Variants in BCL11A observed in about 807,000 individuals in gnomAD.
BCL11A encodes the protein B cell CLL/lymphoma 11A.
BCL11A carries 2 observed loss-of-function variants against 55.9 expected under a neutral mutation model. The ratio of observed to expected loss-of-function variants is 0.04; its 90% CI spans 0.01 to 0.11. The LOEUF (loss-of-function observed/expected upper bound fraction) is 0.11, where lower values mean the gene tolerates loss of function less well. Among genes scored for constraint, BCL11A ranks in the 10% least tolerant of loss-of-function variants. The probability of loss-of-function intolerance (pLI) is 1.00; values close to 1 mark genes in which losing one functional copy is unlikely to be tolerated. For synonymous variants in BCL11A, 465 were observed against 473.4 expected, an observed-to-expected ratio of 0.98 and a Z score of 0.23; for missense variants, 817 against 1,137.1, an observed-to-expected ratio of 0.72 and a Z score of 4.05.
intron 2 of BCL11A, among the ~76,000 whole-genome samples, chr2:60,494,870 AG>A: frequency 6.6e-6 from 1 of 152,300 alleles, no homozygotes; most frequent in South Asian, 2.1e-4. Flanking sequence ...TCAGAAGAAA[AG>A]GGAAAAGGGA....
intron 2 of BCL11A, among the ~76,000 whole-genome samples, chr2:60,480,915 A>C (rs1394907879): frequency 6.6e-6 from 1 of 152,194 alleles, no homozygotes; most frequent in East Asian, 1.9e-4. Flanking sequence ...CGCTTGAATA[A>C]TCCTATTTTT....
chr2:60,488,337 G>C (rs777811322), intron 2 of BCL11A, among the ~76,000 whole-genome samples: 1 of 152,160 alleles, frequency 6.6e-6, no homozygotes, highest in Non-Finnish European at 1.5e-5. Context: ...TGTCCTCCCT[G>C]GTTCCTCTCC....
At position 60,518,537 on chromosome 2, in the gene BCL11A, G is replaced by A. The variant is rs568547663; in HGVS notation, c.385+27434C>T. Among the ~76,000 whole-genome samples, 8 of 152,292 alleles carry A rather than the reference G, an allele frequency of 5.3e-5. No individual in the cohort carries two copies. In the South Asian group the frequency reaches 1.5e-3, roughly 28 times the overall value. ...TAAAAATGGCACATGGGAGGGCATC[G>A]CACATGTGAATTTTAGCTTCCCACA... On this transcript the variant is annotated intron_variant, in intron 2 of 3. Transcript: ENST00000642384.
chr2:60,466,798 CA>C (rs1433694822), intron 3 of BCL11A, among the ~76,000 whole-genome samples: 1 of 151,906 alleles, frequency 6.6e-6, no homozygotes, highest in African/African-American at 2.4e-5. Flanking sequence ...CTTTCCACAG[CA>C]GGTTATTTTT....
At position 60,493,842 on chromosome 2, in the gene BCL11A, C is replaced by T. The variant is rs530977514; in HGVS notation, c.386-25009G>A. The stretch of plus-strand genomic sequence containing the variant: ...GTGCAGGAAATTAAGATTCCCCCTG[C>T]CTCCCCCTCCCCCATCCTCATCAGC... On this transcript the variant is annotated intron_variant, in intron 2 of 3. Coordinates refer to ENST00000642384, the MANE Select transcript of BCL11A (RefSeq NM_022893.4). Among the ~76,000 whole-genome samples, 13 of 152,222 alleles carry T rather than the reference C, an allele frequency of 8.5e-5. No homozygotes were observed. The South Asian group carries it at 2.7e-3, about 32-fold the overall frequency.
At chr2:60,491,689 G>GAAA (rs759978839) in intron 2 of BCL11A, among the ~76,000 whole-genome samples, 1 of 134,758 alleles carries the variant, frequency 7.4e-6, no homozygotes, top group Non-Finnish European at 1.6e-5. Flanking sequence ...AAAGAAAAAA[G>GAAA]AAAAAAAAAA....
chr2:60,490,343 T>C lies in BCL11A; in HGVS notation c.386-21510A>G, dbSNP rs190989361. On this transcript the variant is annotated intron_variant, in intron 2 of 3. Transcript: ENST00000642384. ...TATTTCAGCAGCCCTCTGTGATCTA[T>C]AGGATATGGTCCAACTCCTTAAGCC... Among the ~76,000 whole-genome samples the C allele has an allele frequency of 6.6e-5, 10 of 152,322 alleles. 1 individual carries two copies. The highest frequency in any genetic ancestry group is 2.2e-4 in the African/African-American group (9 of 41,570).
chr2:60,510,295 C>T (rs903551152), intron 2 of BCL11A, among the ~76,000 whole-genome samples: 1 of 152,160 alleles, frequency 6.6e-6, no homozygotes. Context: ...CCTCCTCCTG[C>T]ACTCTTTCCA....
intron 2 of BCL11A, among the ~76,000 whole-genome samples, chr2:60,490,062 G>T (rs1446897157): frequency 1.3e-5 from 2 of 152,132 alleles, no homozygotes; most frequent in East Asian, 3.8e-4. Context: ...AAAGGCAAAA[G>T]GAAAGCTTTC....
intron 2 of BCL11A, among the ~76,000 whole-genome samples, chr2:60,490,974 T>C (rs1678595388): frequency 6.6e-6 from 1 of 150,532 alleles, no homozygotes; most frequent in South Asian, 2.1e-4. Context: ...TAACATGTTA[T>C]GCTACACAAA....
At position 60,460,573 on chromosome 2, in the gene BCL11A, G is replaced by A; in HGVS notation, c.2339C>T (p.Ala780Val). The change falls in exon 4 of 4, where the codon GCC (alanine) becomes GTC (valine). Residue 780 changes from alanine to valine, a missense_variant. Physicochemically the swap from Ala to Val is moderately conservative, Grantham distance 64 (BLOSUM62 0). Around this residue, in one of 4 missense-constraint regions of BCL11A, gnomAD observed 30 missense variants for 116.3 expected, o/e 0.26. Coordinates refer to ENST00000642384, the MANE Select transcript of BCL11A (RefSeq NM_022893.4). ...YKCELCNYAC[A>V]QSSKLTRHMK... Reference sequence around the variant, plus strand: ...GTGCCTGGTGAGCTTGCTACTCTGGGCACAGGCATAGTTGCACAGCTCGCA... The same window carrying A: ...GTGCCTGGTGAGCTTGCTACTCTGGACACAGGCATAGTTGCACAGCTCGCA... 6.2e-7 allele frequency: 1 copy of A among 1,614,102 alleles called. No individual in the cohort carries two copies. The highest frequency in any genetic ancestry group is 8.5e-7 in the Non-Finnish European group (1 of 1,180,018).
intron 2 of BCL11A, among the ~76,000 whole-genome samples, chr2:60,476,298 T>G (rs538269115): frequency 6.6e-6 from 1 of 152,196 alleles, no homozygotes; most frequent in Admixed American, 6.5e-5. Flanking sequence ...GAAACCTAGG[T>G]GTGTCCTGAG....
chr2:60,482,040 G>T (rs899249077), intron 2 of BCL11A, among the ~76,000 whole-genome samples: 1 of 152,130 alleles, frequency 6.6e-6, no homozygotes, highest in Admixed American at 6.5e-5. Flanking sequence ...TGTCATTTTT[G>T]GACCTAACAT....
At chr2:60,491,502 G>A (rs906811429) in intron 2 of BCL11A, among the ~76,000 whole-genome samples, 5 of 151,762 alleles carry the variant, frequency 3.3e-5, no homozygotes, top group African/African-American at 1.2e-4. Context: ...GTGAAACCCC[G>A]TCTCTACTAA....
chr2:60,462,558 C>A, intron 3 of BCL11A, 134 bp from the exon 4 acceptor site: 6 of 1,417,868 alleles, frequency 4.2e-6, no homozygotes, highest in Non-Finnish European at 5.5e-6. Flanking sequence ...CACTGACCTA[C>A]CCCCTGTGCC....
chr2:60,468,779 A>G lies in BCL11A; in HGVS notation c.440T>C (p.Leu147Pro). Residue 147 changes from leucine (L) to proline (P), a missense_variant, in exon 3 of 4, where the codon CTA becomes CCA. Leu to Pro is a moderately conservative substitution (Grantham distance 98). Coordinates refer to ENST00000642384, the MANE Select transcript of BCL11A (RefSeq NM_022893.4). The part of the protein sequence containing the change: ...LSSPRSAHGA[L>P]IPTPGMSAEY... ...TGCACTCATCCCAGGCGTGGGGATT[A>G]GAGCTCCATGTGCAGAACGAGGGGA... 1 of 1,609,774 alleles carries G rather than the reference A, an allele frequency of 6.2e-7. No individual in the cohort carries two copies. Among genetic ancestry groups the G allele is most frequent in the South Asian group, 1.1e-5 (1 of 90,062 alleles).
rs1357323906 is a variant in BCL11A at position 60,459,698 on chromosome 2, A to G, written c.*706T>C. On this transcript the variant is annotated 3_prime_UTR_variant, in exon 4 of 4. Coordinates refer to ENST00000642384, the MANE Select transcript of BCL11A (RefSeq NM_022893.4). Reference sequence around the variant, plus strand: ...CAAGGCACTCATATTTTAAAACCAAATGATAGAATAAACTTGTTCTGTTTT... The same window carrying G: ...CAAGGCACTCATATTTTAAAACCAAGTGATAGAATAAACTTGTTCTGTTTT... 2 of 1,036,028 alleles carry G rather than the reference A, an allele frequency of 1.9e-6. No individual in the cohort carries two copies. Among genetic ancestry groups the G allele is most frequent in the African/African-American group, 3.4e-5 (2 of 59,464 alleles). The allele number at this position is 1,036,028 out of a possible 1,614,324, so 64.2% of individuals were successfully genotyped here.
At chr2:60,467,984 GTGGTGGTAA>G (rs1676939367) in intron 3 of BCL11A, among the ~76,000 whole-genome samples, 1 of 132,528 alleles carries the variant, frequency 7.5e-6, no homozygotes. Context: ...GGTAGTGATG[GTGGTGGTAA>G]TGGTGGTGGT....
At chr2:60,501,428 T>C (rs1679272220) in intron 2 of BCL11A, among the ~76,000 whole-genome samples, 2 of 151,912 alleles carry the variant, frequency 1.3e-5, no homozygotes, top group African/African-American at 2.4e-5. Context: ...ATACTTTACC[T>C]GGTTTGTAAG....
Sources: gnomAD v4.1 joint callset for allele counts (sites outside exome capture counted in the v4.1 genomes callset) on GRCh38, gnomAD v4.1.1 for gene constraint, gnomAD v4.1.1 regional missense constraint, MANE v1.5 for transcripts, NCBI Gene and HGNC (gene_info 2026-07-23, HGNC 2026-07-21) for gene names.